PEX14: variants seen among roughly 807,000 people sequenced by gnomAD.
The protein encoded by PEX14 is peroxisomal membrane protein PEX14.
Under a neutral mutation model 49.5 loss-of-function variants are expected in PEX14, and 15 were observed. That is an observed-to-expected ratio of 0.30 (90% CI 0.20 to 0.47). PEX14 has a LOEUF of 0.47. Ranked by LOEUF, PEX14 falls within the 20% of genes least tolerant of loss-of-function variation. The pLI is 1.00. For synonymous variants in PEX14, 210 were observed against 212.7 expected (o/e 0.99, Z 0.11); for missense variants, 398 against 494.8 (o/e 0.80, Z 1.86).
At chr1:10,485,299 G>GTTTT (rs941970919) in intron 1 of PEX14, among the ~76,000 whole-genome samples, 2 of 100,696 alleles carry the variant, frequency 2.0e-5, no homozygotes, top group African/African-American at 8.7e-5. Flanking sequence ...TTTGTGTGTG[G>GTTTT]TTTTTTTTTT....
At chr1:10,537,825 A>G (rs1048372882) in intron 3 of PEX14, among the ~76,000 whole-genome samples, 1 of 152,196 alleles carries the variant, frequency 6.6e-6, no homozygotes, top group Non-Finnish European at 1.5e-5. Context: ...TTTAATTTTA[A>G]TAAATCCCTG....
At position 10,623,337 on chromosome 1, in the gene PEX14, A is replaced by G. The variant is rs1641650213; in HGVS notation, c.487+216A>G. On this transcript the variant is annotated intron_variant, in intron 6 of 8. Transcript: ENST00000356607. This position sits in a 1 kb window ranked among gnomAD's most constrained non-coding sequence, Gnocchi z 4.4. Reference sequence around the variant, plus strand: ...CGCGGCCTCAATTAATTATGTTTTTACGGAAAGGCTCCCAACCTCAGAATA... The same window carrying G: ...CGCGGCCTCAATTAATTATGTTTTTGCGGAAAGGCTCCCAACCTCAGAATA... 1 of 525,840 alleles carries G rather than the reference A, an allele frequency of 1.9e-6. No homozygotes were observed. Among genetic ancestry groups the G allele is most frequent in the Non-Finnish European group, 3.5e-6 (1 of 287,240 alleles). 32.6% of individuals were successfully genotyped at this position (525,840 alleles called of 1,614,324 possible).
chr1:10,625,502 G>A (rs949551165), intron 7 of PEX14, among the ~76,000 whole-genome samples: 2 of 152,200 alleles, frequency 1.3e-5, no homozygotes, highest in African/African-American at 4.8e-5. Context: ...CATGGAGTCT[G>A]GGGTGTCTCT....
chr1:10,533,839 T>C (rs956085467), intron 2 of PEX14, among the ~76,000 whole-genome samples: 1 of 152,230 alleles, frequency 6.6e-6, no homozygotes, highest in African/African-American at 2.4e-5. Context: ...GGCTGATTAA[T>C]GTATTTAAAG....
intron 3 of PEX14, among the ~76,000 whole-genome samples, chr1:10,544,889 G>T (rs960210788): frequency 1.3e-5 from 2 of 151,980 alleles, no homozygotes; most frequent in African/African-American, 4.8e-5. Context: ...CAGCCTCCCA[G>T]GTAGCTGGGC....
rs575348408 is a variant in PEX14, at chr1:10,529,169, C to T, written c.85-7044C>T. Among the ~76,000 whole-genome samples the T allele has an allele frequency of 3.9e-5, 6 of 152,322 alleles. No homozygotes were observed. Among genetic ancestry groups the T allele is most frequent in the South Asian group, 4.1e-4 (2 of 4,832 alleles). On this transcript the variant is annotated intron_variant, in intron 2 of 8. Transcript: ENST00000356607. The surrounding 1 kb of genome is among the most constrained non-coding windows in gnomAD (Gnocchi z 4.2). ...TTTCTTTCTCCCTGAAGGAGAAAAACGCTTTTCCTTCTCAACCTTTCCTAA... is the reference window on the plus strand; with the variant it reads ...TTTCTTTCTCCCTGAAGGAGAAAAATGCTTTTCCTTCTCAACCTTTCCTAA...
chr1:10,481,060 TAAAAA>T (rs570930041), intron 1 of PEX14, among the ~76,000 whole-genome samples: 2 of 150,812 alleles, frequency 1.3e-5, no homozygotes, highest in Non-Finnish European at 3.0e-5. Context: ...TTTTCACACT[TAAAAA>T]AAATCAGAAT....
At chr1:10,530,203 A>G (rs1406608338) in intron 2 of PEX14, among the ~76,000 whole-genome samples, 1 of 152,200 alleles carries the variant, frequency 6.6e-6, no homozygotes, top group African/African-American at 2.4e-5. Context: ...TACAAAAAAA[A>G]TTCCTGTCAC....
chr1:10,533,836 T>C (rs2124477893), intron 2 of PEX14, among the ~76,000 whole-genome samples: 1 of 152,332 alleles, frequency 6.6e-6, no homozygotes. Context: ...CTAGGCTGAT[T>C]AATGTATTTA....
chr1:10,609,137 A>G (rs189576679), intron 4 of PEX14, among the ~76,000 whole-genome samples: 1 of 152,258 alleles, frequency 6.6e-6, no homozygotes, highest in African/African-American at 2.4e-5. Context: ...GTCTGGTTGT[A>G]CCTCATTTTG....
chr1:10,496,510 G>A (rs1382439493), intron 2 of PEX14, among the ~76,000 whole-genome samples: 1 of 152,160 alleles, frequency 6.6e-6, no homozygotes, highest in African/African-American at 2.4e-5. Flanking sequence ...TTAGACTGAA[G>A]TGCAGATTGA....
intron 3 of PEX14, among the ~76,000 whole-genome samples, chr1:10,543,464 G>A (rs563898211): frequency 6.6e-6 from 1 of 152,244 alleles, no homozygotes; most frequent in South Asian, 2.1e-4. Flanking sequence ...ATTGAGGGAG[G>A]CAGTGGGCAC....
chr1:10,617,855 G>C (rs767150548), intron 4 of PEX14, among the ~76,000 whole-genome samples: 1 of 151,800 alleles, frequency 6.6e-6, no homozygotes, highest in East Asian at 1.9e-4. Flanking sequence ...CCCACCCAGC[G>C]TACCACGGTC....
Position 10,613,120 on chromosome 1 carries a change from G to A in PEX14, c.299-5212G>A, listed in dbSNP as rs146709952. ...TTGCAGGATTTCCATGGTGTGGATC[G>A]GTCTGTGACTTGCTCAGCAAGGTTT... On this transcript the variant is annotated intron_variant, in intron 4 of 8. Transcript: ENST00000356607. The surrounding 1 kb of genome is among the most constrained non-coding windows in gnomAD (Gnocchi z 5.0). Among the ~76,000 whole-genome samples, 2,505 of 148,990 alleles carry A rather than the reference G, an allele frequency of 0.017. 59 individuals are homozygous for A. Among genetic ancestry groups the A allele is most frequent in the Admixed American group, 0.023 (341 of 15,006 alleles).
Position 10,536,280 on chromosome 1 carries a change from C to T in PEX14, c.152C>T (p.Ala51Val). 1 of 1,605,346 alleles carries T rather than the reference C, an allele frequency of 6.2e-7. No individual in the cohort carries two copies. Among genetic ancestry groups the T allele is most frequent in the Non-Finnish European group, 8.5e-7 (1 of 1,171,936 alleles). ...VRQSPLATRR[A>V]FLKKKGLTDE... is the part of the protein sequence containing the mutation. ...CAGAGCCCACTTGCAACCAGGAGAG[C>T]ATTCCTAAAGAAGAAAGGTACAGGT... The change falls in exon 3 of 9, where the codon GCA (alanine) becomes GTA (valine). Residue 51 changes from alanine to valine, a missense_variant. Coordinates refer to ENST00000356607, the MANE Select transcript of PEX14 (RefSeq NM_004565.3).
chr1:10,577,589 T>G (rs1214845744), intron 3 of PEX14, among the ~76,000 whole-genome samples: 20 of 26,956 alleles, frequency 7.4e-4, no homozygotes, highest in African/African-American at 2.7e-3. Flanking sequence ...TTTTTTTTTT[T>G]TTTTTTTTTT....
chr1:10,489,223 C>T (rs1290927029), intron 1 of PEX14, among the ~76,000 whole-genome samples: 3 of 151,996 alleles, frequency 2.0e-5, no homozygotes, highest in East Asian at 1.9e-4. Flanking sequence ...TCAGGTGATC[C>T]GCCCGCCTCA....
intron 2 of PEX14, among the ~76,000 whole-genome samples, chr1:10,513,144 A>G (rs539120695): frequency 6.6e-6 from 1 of 152,210 alleles, no homozygotes; most frequent in Admixed American, 6.5e-5. Context: ...GTGGGAGAAA[A>G]TAGCGTGTTT....
At chr1:10,621,649 A>T (rs918086821) in intron 5 of PEX14, among the ~76,000 whole-genome samples, 1 of 152,138 alleles carries the variant, frequency 6.6e-6, no homozygotes, top group Non-Finnish European at 1.5e-5. Flanking sequence ...CCGGCCAAGA[A>T]TTCTTTACCT....
Sources: gnomAD v4.1 joint callset for allele counts (sites outside exome capture counted in the v4.1 genomes callset) on GRCh38, gnomAD v4.1.1 for gene constraint, Gnocchi (gnomAD v3.1) non-coding constraint, MANE v1.5 for transcripts, NCBI Gene and HGNC (gene_info 2026-07-23, HGNC 2026-07-21) for gene names.